Variants in ASB18 observed in about 807,000 individuals in gnomAD.
ASB18 encodes ankyrin repeat and SOCS box protein 18.
Under a neutral mutation model 33.4 loss-of-function variants are expected in ASB18, and 33 were observed. The observed-to-expected ratio is 0.99, with a 90% CI of 0.75 to 1.32. The LOEUF is 1.32. Ranked by LOEUF, ASB18 falls within the 40% of genes most tolerant of loss-of-function variation. The pLI, the probability that ASB18 is intolerant of heterozygous loss-of-function variation, is 0.00. For missense variants in ASB18, 694 were observed against 655.5 expected (o/e 1.06, Z -0.64); for synonymous variants, 295 against 307.6 (o/e 0.96, Z 0.43).
chr2:236,202,790 A>T (rs1224964949), intron 4 of ASB18, among the ~76,000 whole-genome samples: 2 of 116,266 alleles, frequency 1.7e-5, no homozygotes, highest in East Asian at 4.7e-4. Flanking sequence ...AAAAAAAAAA[A>T]AAAAATATAT....
Position 236,215,211 on chromosome 2 carries a change from C to G in ASB18, c.597-345G>C, listed in dbSNP as rs2060482375. On this transcript the variant is annotated intron_variant, in intron 3 of 5. Coordinates refer to ENST00000409749, the MANE Select transcript of ASB18 (RefSeq NM_212556.4). This position sits in a 1 kb window ranked among gnomAD's most constrained non-coding sequence, Gnocchi z 7.2. The stretch of plus-strand genomic sequence containing the variant: ...TGCACTGGTTACCTGAGCTCTTTGT[C>G]ACACCTGGAGGTTAAGGGTTTGGCA... Among the ~76,000 whole-genome samples, 1 of 152,100 alleles carries G rather than the reference C, an allele frequency of 6.6e-6. No individual in the cohort carries two copies.
Position 236,217,669 on chromosome 2 carries a change from A to C in ASB18, c.597-2803T>G, listed in dbSNP as rs78924272. Among the ~76,000 whole-genome samples the C allele has an allele frequency of 0.01, 1,554 of 152,250 alleles. 40 individuals carry two copies. The highest frequency in any genetic ancestry group is 0.035 in the African/African-American group (1,470 of 41,520). On this transcript the variant is annotated intron_variant, in intron 3 of 5. Transcript: ENST00000409749. The surrounding 1 kb of genome is among the most constrained non-coding windows in gnomAD (Gnocchi z 5.2). ...ATTGAGGGTTTCCCGGCTGCCCTTAAATCCATTTATATTTTTACCTAGAGG... is the reference window on the plus strand; with the variant it reads ...ATTGAGGGTTTCCCGGCTGCCCTTACATCCATTTATATTTTTACCTAGAGG...
In ASB18 at chr2:236,214,501, G is replaced by C. The variant is rs563334671; in HGVS notation, c.962C>G (p.Ala321Gly). 53 of 1,494,598 alleles carry C rather than the reference G, an allele frequency of 3.5e-5. No individual in the cohort carries two copies. In the African/African-American group the frequency reaches 7.5e-4, roughly 21 times the overall value. The allele number at this position is 1,494,598 out of a possible 1,614,324, so 92.6% of individuals were successfully genotyped here. A position where few individuals can be genotyped will look rare whatever the true frequency, so the allele number is the denominator to read the frequency against. Residue 321 changes from alanine (A) to glycine (G), a missense_variant, in exon 4 of 6, where the codon GCG becomes GGG. Coordinates refer to ENST00000409749, the MANE Select transcript of ASB18 (RefSeq NM_212556.4). This position sits in a 1 kb window ranked among gnomAD's most constrained non-coding sequence, Gnocchi z 6.5. Reference sequence around the variant, plus strand: ...CGGCGAGGCCCCGCCATAGTCGAGCGCGCCCGCGTCGGCGCCGTGCCGCAG... The same window carrying C: ...CGGCGAGGCCCCGCCATAGTCGAGCCCGCCCGCGTCGGCGCCGTGCCGCAG... The part of the protein sequence containing the change: ...LLLRHGADAG[A>G]LDYGGASPLG...
chr2:236,200,596 T>A lies in ASB18; in HGVS notation c.1102-4211A>T, dbSNP rs2060396170. ...AAAGAGCCAGCCCAGAGAATGCATG[T>A]TCTGCCCTCACTCTCCTTTCCTCCC... On this transcript the variant is annotated intron_variant, in intron 4 of 5. Coordinates refer to ENST00000409749, the MANE Select transcript of ASB18 (RefSeq NM_212556.4). The surrounding 1 kb of genome is among the most constrained non-coding windows in gnomAD (Gnocchi z 4.2). 6.6e-6 allele frequency among the ~76,000 whole-genome samples: 1 copy of A among 152,152 alleles called. No individual in the cohort carries two copies. Among genetic ancestry groups the A allele is most frequent in the African/African-American group, 2.4e-5 (1 of 41,442 alleles).
In ASB18 at chr2:236,260,235, TC is replaced by T. The variant is rs2060711756; in HGVS notation, c.205+3905del. Among the ~76,000 whole-genome samples the T allele has an allele frequency of 6.6e-6, 1 of 152,148 alleles. No individual in the cohort carries two copies. Among genetic ancestry groups the T allele is most frequent in the African/African-American group, 2.4e-5 (1 of 41,412 alleles). Reference sequence around the variant, plus strand: ...GGATAGAAACCTCTTCCCTCTTCTTTCCCCCAGGTACTTTTGCCAACATGAC... The same window carrying T: ...GGATAGAAACCTCTTCCCTCTTCTTTCCCCAGGTACTTTTGCCAACATGAC... On this transcript the variant is annotated intron_variant, in intron 1 of 5. Transcript: ENST00000409749. This position sits in a 1 kb window ranked among gnomAD's most constrained non-coding sequence, Gnocchi z 5.1.
In ASB18 at chr2:236,237,811, C is replaced by A; in HGVS notation, c.474G>T (p.Glu158Asp). 1 of 1,397,108 alleles carries A rather than the reference C, an allele frequency of 7.2e-7. No individual in the cohort carries two copies. The highest frequency in any genetic ancestry group is 9.2e-7 in the Non-Finnish European group (1 of 1,084,046). The allele number at this position is 1,397,108 out of a possible 1,614,324, so 86.5% of individuals were successfully genotyped here. A position where few individuals can be genotyped will look rare whatever the true frequency, so the allele number is the denominator to read the frequency against. Residue 158 changes from glutamate (E) to aspartate (D), a missense_variant, in exon 3 of 6, where the codon GAG becomes GAT. Coordinates refer to ENST00000409749, the MANE Select transcript of ASB18 (RefSeq NM_212556.4). This position sits in a 1 kb window ranked among gnomAD's most constrained non-coding sequence, Gnocchi z 6.2. ...AGGCGGTGTGGCCCCCGAGGCAGGCCTCGTGCAGGGCGCCGCGGCCGCCGG... is the reference window on the plus strand; with the variant it reads ...AGGCGGTGTGGCCCCCGAGGCAGGCATCGTGCAGGGCGCCGCGGCCGCCGG... ...ASPGGRGALHEACLGGHTACV... is the reference protein window; with the variant it reads ...ASPGGRGALHDACLGGHTACV...
At position 236,250,234 on chromosome 2, in the gene ASB18, G is replaced by A. The variant is rs2060662969; in HGVS notation, c.206-8832C>T. ...AGCCTCCAAGGATTAATCCAGCTGA[G>A]GCTGAAACCTGGAGCTGGTGGGCTT... is the stretch of plus-strand genomic sequence containing the variant. On this transcript the variant is annotated intron_variant, in intron 1 of 5. Transcript: ENST00000409749. This position sits in a 1 kb window ranked among gnomAD's most constrained non-coding sequence, Gnocchi z 4.1. 6.6e-6 allele frequency: 1 copy of A among 152,350 alleles called. No individual in the cohort carries two copies. The highest frequency in any genetic ancestry group is 2.4e-5 in the African/African-American group (1 of 41,592). 9.4% of individuals were successfully genotyped at this position (152,350 alleles called of 1,614,324 possible).
At position 236,260,881 on chromosome 2, in the gene ASB18, A is replaced by T. The variant is rs1403590320; in HGVS notation, c.205+3260T>A. Among the ~76,000 whole-genome samples, 1 of 152,154 alleles carries T rather than the reference A, an allele frequency of 6.6e-6. No homozygotes were observed. The highest frequency in any genetic ancestry group is 1.5e-5 in the Non-Finnish European group (1 of 68,034). ...CCAGCAGAAAGCAGTTCCCAAGCTC[A>T]TCCCACCATGGAGCTCTTCTCAGGA... is the stretch of plus-strand genomic sequence containing the variant. On this transcript the variant is annotated intron_variant, in intron 1 of 5. Coordinates refer to ENST00000409749, the MANE Select transcript of ASB18 (RefSeq NM_212556.4). This position sits in a 1 kb window ranked among gnomAD's most constrained non-coding sequence, Gnocchi z 5.1.
chr2:236,218,146 G>T (rs1295274258), intron 3 of ASB18, among the ~76,000 whole-genome samples: 1 of 152,206 alleles, frequency 6.6e-6, no homozygotes, highest in African/African-American at 2.4e-5. Context: ...CTAATGGCCA[G>T]GCTGCTATCT....
intron 3 of ASB18, among the ~76,000 whole-genome samples, chr2:236,236,625 T>G (rs1168320016): frequency 5.1e-5 from 5 of 98,536 alleles, no homozygotes; most frequent in Non-Finnish European, 9.6e-5. Flanking sequence ...GGCCCCCTGA[T>G]CCCCCCTCTG....
Position 236,215,016 on chromosome 2 carries a change from A to C in ASB18, c.597-150T>G. 6 of 412,932 alleles carry C rather than the reference A, an allele frequency of 1.5e-5. No homozygotes were observed. Among genetic ancestry groups the C allele is most frequent in the Non-Finnish European group, 1.8e-5 (5 of 275,852 alleles). The allele number at this position is 412,932 out of a possible 1,614,324, so 25.6% of individuals were successfully genotyped here. A position where few individuals can be genotyped will look rare whatever the true frequency, so the allele number is the denominator to read the frequency against. ...CCAAGGCGTCAGGAGTTCAAACTAAACTGGAAAAAAAAAAAAAAAAAAAGA... is the reference window on the plus strand; with the variant it reads ...CCAAGGCGTCAGGAGTTCAAACTAACCTGGAAAAAAAAAAAAAAAAAAAGA... On this transcript the variant is annotated intron_variant, in intron 3 of 5. Coordinates refer to ENST00000409749, the MANE Select transcript of ASB18 (RefSeq NM_212556.4). This position sits in a 1 kb window ranked among gnomAD's most constrained non-coding sequence, Gnocchi z 7.2.
chr2:236,239,587 C>G lies in ASB18; in HGVS notation c.329-1631G>C, dbSNP rs2060611979. On this transcript the variant is annotated intron_variant, in intron 2 of 5. Coordinates refer to ENST00000409749, the MANE Select transcript of ASB18 (RefSeq NM_212556.4). This position sits in a 1 kb window ranked among gnomAD's most constrained non-coding sequence, Gnocchi z 5.6. Reference sequence around the variant, plus strand: ...AGGAGGGACATGAATTAAGGCTTCTCTGCATGTGGTGTGTCCCTCTAAGCA... The same window carrying G: ...AGGAGGGACATGAATTAAGGCTTCTGTGCATGTGGTGTGTCCCTCTAAGCA... Among the ~76,000 whole-genome samples, 3 of 152,116 alleles carry G rather than the reference C, an allele frequency of 2.0e-5. No homozygotes were observed. The highest frequency in any genetic ancestry group is 2.0e-4 in the Admixed American group (3 of 15,272).
In ASB18 at chr2:236,215,993, G is replaced by T. The variant is rs573118318; in HGVS notation, c.597-1127C>A. Among the ~76,000 whole-genome samples the T allele has an allele frequency of 3.7e-4, 56 of 152,238 alleles. No homozygotes were observed. Among genetic ancestry groups the T allele is most frequent in the African/African-American group, 1.1e-3 (46 of 41,556 alleles). On this transcript the variant is annotated intron_variant, in intron 3 of 5. Transcript: ENST00000409749. This position sits in a 1 kb window ranked among gnomAD's most constrained non-coding sequence, Gnocchi z 7.2. ...TTTCTCTCTACCCTTCCTGGCTTCA[G>T]TTCCTTTCCTGGGCAGCACTGTGGT...
Position 236,215,958 on chromosome 2 carries a change from G to A in ASB18, c.597-1092C>T, listed in dbSNP as rs2060485854. Among the ~76,000 whole-genome samples the A allele has an allele frequency of 6.6e-6, 1 of 152,112 alleles. No individual in the cohort carries two copies. The highest frequency in any genetic ancestry group is 2.4e-5 in the African/African-American group (1 of 41,424). On this transcript the variant is annotated intron_variant, in intron 3 of 5. Coordinates refer to ENST00000409749, the MANE Select transcript of ASB18 (RefSeq NM_212556.4). The surrounding 1 kb of genome is among the most constrained non-coding windows in gnomAD (Gnocchi z 7.2). ...TTTGCTCTATGGAGACCTGAGCCCT[G>A]GACCTCTCGTTTCTCTCTACCCTTC...
At position 236,238,610 on chromosome 2, in the gene ASB18, G is replaced by GGTGTGTGTGTGTGTGT. The variant is rs149889496; in HGVS notation, c.329-670_329-655dup. 0.02 allele frequency among the ~76,000 whole-genome samples: 3,037 copies of GGTGTGTGTGTGTGTGT among 150,348 alleles called. 82 individuals are homozygous for GGTGTGTGTGTGTGTGT. Among genetic ancestry groups the GGTGTGTGTGTGTGTGT allele is most frequent in the African/African-American group, 0.063 (2,586 of 40,866 alleles). ...GGTTTGTTTCTTTGCGCTTTTTAGG[G>GGTGTGTGTGTGTGTGT]GTGTGTGTGTGTGTGTGTGTAGGGT... On this transcript the variant is annotated intron_variant, in intron 2 of 5. Coordinates refer to ENST00000409749, the MANE Select transcript of ASB18 (RefSeq NM_212556.4). The surrounding 1 kb of genome is among the most constrained non-coding windows in gnomAD (Gnocchi z 5.2).
chr2:236,200,429 G>A lies in ASB18; in HGVS notation c.1102-4044C>T, dbSNP rs890512382. ...ACAGGAACTATTTAACCAGATGTGG[G>A]TACAAGGAAACTGACAAGGGTCAGG... is the stretch of plus-strand genomic sequence containing the variant. On this transcript the variant is annotated intron_variant, in intron 4 of 5. Transcript: ENST00000409749. This position sits in a 1 kb window ranked among gnomAD's most constrained non-coding sequence, Gnocchi z 4.2. Among the ~76,000 whole-genome samples, 1 of 152,202 alleles carries A rather than the reference G, an allele frequency of 6.6e-6. No homozygotes were observed. Among genetic ancestry groups the A allele is most frequent in the Non-Finnish European group, 1.5e-5 (1 of 68,038 alleles).
rs2060710186 is a variant in ASB18 at position 236,259,856 on chromosome 2, G to T, written c.205+4285C>A. On this transcript the variant is annotated intron_variant, in intron 1 of 5. Coordinates refer to ENST00000409749, the MANE Select transcript of ASB18 (RefSeq NM_212556.4). The surrounding 1 kb of genome is among the most constrained non-coding windows in gnomAD (Gnocchi z 4.4). Reference sequence around the variant, plus strand: ...TGTGCTTTCCCCCAATGTCTGCTGGGGCTAAAATTTTCAGTTCCTTTGACT... The same window carrying T: ...TGTGCTTTCCCCCAATGTCTGCTGGTGCTAAAATTTTCAGTTCCTTTGACT... 6.6e-6 allele frequency among the ~76,000 whole-genome samples: 1 copy of T among 152,226 alleles called. No homozygotes were observed.
In ASB18 at chr2:236,223,821, A is replaced by T. The variant is rs556915537; in HGVS notation, c.597-8955T>A. Among the ~76,000 whole-genome samples, 1 of 152,236 alleles carries T rather than the reference A, an allele frequency of 6.6e-6. No homozygotes were observed. Among genetic ancestry groups the T allele is most frequent in the African/African-American group, 2.4e-5 (1 of 41,532 alleles). The stretch of plus-strand genomic sequence containing the variant: ...TTTTGCTCAGCATCATGCTGTTCAC[A>T]TTCATCCATACTGTTGCCTGCATGG... On this transcript the variant is annotated intron_variant, in intron 3 of 5. Coordinates refer to ENST00000409749, the MANE Select transcript of ASB18 (RefSeq NM_212556.4). This position sits in a 1 kb window ranked among gnomAD's most constrained non-coding sequence, Gnocchi z 4.6.
At chr2:236,199,788 T>G (rs1228262107) in intron 4 of ASB18, among the ~76,000 whole-genome samples, 1 of 81,932 alleles carries the variant, frequency 1.2e-5, no homozygotes, top group Admixed American at 1.1e-4. Context: ...TAAAATTTGT[T>G]TTTTTTTTAA....
Sources: allele counts gnomAD v4.1 joint callset (sites outside exome capture counted in the v4.1 genomes callset), GRCh38; gene constraint gnomAD v4.1.1; non-coding constraint Gnocchi (gnomAD v3.1); transcripts MANE v1.5; gene names NCBI Gene and HGNC (gene_info 2026-07-23, HGNC 2026-07-21).